Variants in PCDHA4 observed in about 807,000 individuals in gnomAD.
PCDHA4 encodes protocadherin alpha 4.
A neutral mutation model predicts 61.4 loss-of-function variants in PCDHA4; 49 were observed. The observed-to-expected ratio is 0.80, with a 90% confidence interval of 0.63 to 1.01. PCDHA4 has a LOEUF of 1.01. Ranked by LOEUF, PCDHA4 falls within the 50% of genes least tolerant of loss-of-function variation. PCDHA4 has a pLI of 0.00. For missense variants in PCDHA4, 1,254 were observed against 1,235.8 expected (o/e 1.01, Z -0.22); for synonymous variants, 590 against 550.3 (o/e 1.07, Z -1.01).
chr5:140,822,254 A>C, intron 1 of PCDHA4: 1 of 1,614,260 alleles, frequency 6.2e-7, no homozygotes, highest in Non-Finnish European at 8.5e-7. Flanking sequence ...TCGGATTTGG[A>C]TATTGGAGCA....
Position 140,836,500 on chromosome 5 carries a change from C to A in PCDHA4, c.2385+26928C>A, listed in dbSNP as rs2150262394. 99 of 1,613,882 alleles carry A rather than the reference C, an allele frequency of 6.1e-5. No individual in the cohort carries two copies. The highest frequency in any genetic ancestry group is 8.1e-5 in the Non-Finnish European group (95 of 1,179,878). Reference sequence around the variant, plus strand: ...GTGTACCTGATCATCGCCATCTGCGCGGTGTCCAGTCTGTTGGTGCTTACC... The same window carrying A: ...GTGTACCTGATCATCGCCATCTGCGAGGTGTCCAGTCTGTTGGTGCTTACC... On this transcript the variant is annotated intron_variant, in intron 1 of 3. Transcript: ENST00000530339.
chr5:140,870,759 G>C, intron 1 of PCDHA4: 1 of 1,613,572 alleles, frequency 6.2e-7, no homozygotes, highest in South Asian at 1.1e-5. Context: ...CGCTGCAGGT[G>C]TTCGTGCTGG....
chr5:140,848,195 C>T lies in PCDHA4; in HGVS notation c.2385+38623C>T, dbSNP rs2150407031. ...GCAAGAGAAACGGGATCTTCTGTTT[C>T]AACAATCATTACTTAAGAAAAAATT... On this transcript the variant is annotated intron_variant, in intron 1 of 3. Transcript: ENST00000530339. 38 of 306,006 alleles carry T rather than the reference C, an allele frequency of 1.2e-4. 1 individual carries two copies. Among genetic ancestry groups the T allele is most frequent in the Admixed American group, 5.2e-4 (11 of 21,218 alleles). 19.0% of individuals were successfully genotyped at this position (306,006 alleles called of 1,614,324 possible).
Position 140,870,220 on chromosome 5 carries a change from G to A in PCDHA4, c.2385+60648G>A, listed in dbSNP as rs199741132. 3.2e-5 allele frequency: 52 copies of A among 1,614,042 alleles called. No individual in the cohort carries two copies. The highest frequency in any genetic ancestry group is 2.7e-5 in the Non-Finnish European group (32 of 1,180,040). ...CAGCACGGTCATTGCCCTGATCAGC[G>A]TGTCTGACCGTGACTCAGGTGTCAA... On this transcript the variant is annotated intron_variant, in intron 1 of 3. Transcript: ENST00000530339.
At chr5:140,829,192 T>G in intron 1 of PCDHA4, 1 of 1,614,230 alleles carries the variant, frequency 6.2e-7, no homozygotes, top group Non-Finnish European at 8.5e-7. Flanking sequence ...AATTTGGTAC[T>G]GTCATCGCCC....
At chr5:140,973,062 G>GTC (rs1554234872) in intron 1 of PCDHA4, among the ~76,000 whole-genome samples, 1 of 152,138 alleles carries the variant, frequency 6.6e-6, no homozygotes, top group African/African-American at 2.4e-5. Context: ...GTCCAACAGT[G>GTC]TCTCAGTGGG....
intron 1 of PCDHA4, chr5:140,857,158 A>G: frequency 6.3e-7 from 1 of 1,598,190 alleles, no homozygotes; most frequent in East Asian, 2.2e-5. Context: ...TCATTGCCCT[A>G]ATCAGCGTTT....
intron 1 of PCDHA4, chr5:140,828,687 C>A: frequency 6.2e-7 from 1 of 1,614,206 alleles, no homozygotes; most frequent in Non-Finnish European, 8.5e-7. Context: ...TTAAAGAAAT[C>A]CTTGGACAGA....
At chr5:140,863,571 TA>T in intron 1 of PCDHA4, 1 of 369,950 alleles carries the variant, frequency 2.7e-6, no homozygotes, top group South Asian at 2.1e-5. Context: ...AGAATATAAG[TA>T]CTGTAATCCT....
intron 1 of PCDHA4, chr5:140,967,556 G>A (rs1586226034): frequency 6.2e-7 from 1 of 1,614,030 alleles, no homozygotes; most frequent in East Asian, 2.2e-5. Context: ...CACTTATCGC[G>A]TCCAGCTACG....
intron 3 of PCDHA4, 115 bp downstream of exon 3, chr5:140,982,678 C>G: frequency 6.9e-7 from 1 of 1,438,900 alleles, no homozygotes; most frequent in East Asian, 2.5e-5. Context: ...TTTGTTATTC[C>G]CTTTTTTCCA....
intron 1 of PCDHA4, chr5:140,853,202 C>T (rs1357815878): frequency 1.3e-5 from 13 of 982,324 alleles, no homozygotes; most frequent in Middle Eastern, 5.3e-4. Flanking sequence ...TTATTATTGA[C>T]GGCTGTATTG....
intron 1 of PCDHA4, among the ~76,000 whole-genome samples, chr5:140,827,788 C>A (rs781936968): frequency 6.6e-6 from 1 of 152,100 alleles, no homozygotes; most frequent in African/African-American, 2.4e-5. Context: ...TAACACTGAC[C>A]GTGCAAATTA....
Position 140,881,379 on chromosome 5 carries a change from C to T in PCDHA4, c.2385+71807C>T, listed in dbSNP as rs1235654163. ...TGGCTTTCGTATGAATTGCAGCCGG[C>T]GGCGGTAAGTTAAATTCTATTAAAT... On this transcript the variant is annotated intron_variant, in intron 1 of 3. Transcript: ENST00000530339. The T allele has an allele frequency of 7.1e-6, 7 of 984,332 alleles. No individual in the cohort carries two copies. In the African/African-American group the frequency reaches 1.0e-4, roughly 15 times the overall value. 61.0% of individuals were successfully genotyped at this position (984,332 alleles called of 1,614,324 possible).
intron 2 of PCDHA4, among the ~76,000 whole-genome samples, chr5:140,981,956 T>C (rs2096959461): frequency 6.6e-6 from 1 of 152,184 alleles, no homozygotes; most frequent in Non-Finnish European, 1.5e-5. Flanking sequence ...GGGTCATCTA[T>C]GCATAAAAGA....
intron 1 of PCDHA4, among the ~76,000 whole-genome samples, chr5:140,909,888 C>A (rs1391505487): frequency 6.6e-6 from 1 of 152,172 alleles, no homozygotes; most frequent in Admixed American, 6.5e-5. Flanking sequence ...AGACACTGTT[C>A]AGTAGTCCCT....
chr5:140,872,477 A>G (rs968507113), intron 1 of PCDHA4, among the ~76,000 whole-genome samples: 3 of 152,118 alleles, frequency 2.0e-5, no homozygotes, highest in African/African-American at 7.2e-5. Flanking sequence ...AAATTAAAAA[A>G]TTAGCCAGAC....
rs1554139478 is a variant in PCDHA4 at position 140,842,864 on chromosome 5, G to A, written c.2385+33292G>A. The stretch of plus-strand genomic sequence containing the variant: ...CTACATTTCGGTGCACACGGAGAGC[G>A]GCAAGGTGTACGCGCTGCAGCCGCT... On this transcript the variant is annotated intron_variant, in intron 1 of 3. Transcript: ENST00000530339. 2.5e-6 allele frequency: 4 copies of A among 1,594,034 alleles called. 1 individual carries two copies. Among genetic ancestry groups the A allele is most frequent in the Middle Eastern group, 2.1e-4 (1 of 4,754 alleles).
intron 1 of PCDHA4, chr5:140,926,624 G>A (rs2083414676): frequency 5.0e-6 from 2 of 400,148 alleles, no homozygotes; most frequent in Admixed American, 8.6e-5. Context: ...CCTAGGCGGC[G>A]CTGCGCTCCT....
Sources: allele counts gnomAD v4.1 joint callset (sites outside exome capture counted in the v4.1 genomes callset), GRCh38; gene constraint gnomAD v4.1.1; transcripts MANE v1.5; gene names NCBI Gene and HGNC (gene_info 2026-07-23, HGNC 2026-07-21).